ATF6: variants seen among roughly 807,000 people sequenced by gnomAD.
The protein encoded by ATF6 is activating transcription factor 6.
In ATF6, 53 loss-of-function variants were observed where a neutral mutation model predicts 83.6. That is an observed-to-expected ratio of 0.63 (90% CI 0.51 to 0.80). ATF6 has a LOEUF of 0.80. Among genes scored for constraint, ATF6 ranks in the 30% least tolerant of loss-of-function variants. The probability of loss-of-function intolerance (pLI) is 0.00; values close to 1 mark genes in which losing one functional copy is unlikely to be tolerated. For missense variants in ATF6, 744 were observed against 797.9 expected (o/e 0.93, Z 0.81); for synonymous variants, 288 against 285.8 (o/e 1.01, Z -0.08).
chr1:161,852,210 TC>T (rs1188130752), intron 11 of ATF6, among the ~76,000 whole-genome samples: 2 of 152,200 alleles, frequency 1.3e-5, no homozygotes, highest in Non-Finnish European at 2.9e-5. Flanking sequence ...AGTACACACT[TC>T]TTTATCAATT....
Position 161,791,335 on chromosome 1 carries a change from G to A in ATF6, c.355-73G>A, listed in dbSNP as rs906655193. On this transcript the variant is annotated intron_variant, in intron 4 of 15. Transcript: ENST00000367942. Reference sequence around the variant, plus strand: ...TGAAGTGTTTTTCTGTTTATATGTGGGTCTCCTCCTTTTCTATGCAATTTG... The same window carrying A: ...TGAAGTGTTTTTCTGTTTATATGTGAGTCTCCTCCTTTTCTATGCAATTTG... 3.0e-6 allele frequency: 4 copies of A among 1,328,278 alleles called. No individual in the cohort carries two copies. The African/African-American group carries it at 6.0e-5, about 20-fold the overall frequency. The allele number at this position is 1,328,278 out of a possible 1,614,324, so 82.3% of individuals were successfully genotyped here. A position where few individuals can be genotyped will look rare whatever the true frequency, so the allele number is the denominator to read the frequency against.
intron 13 of ATF6, among the ~76,000 whole-genome samples, chr1:161,862,198 G>A (rs979333082): frequency 6.6e-6 from 1 of 152,094 alleles, no homozygotes; most frequent in Non-Finnish European, 1.5e-5. Flanking sequence ...AGCAAGAAGC[G>A]ACTATATATT....
chr1:161,818,890 T>A lies in ATF6; in HGVS notation c.910-743T>A, dbSNP rs544382528. On this transcript the variant is annotated intron_variant, in intron 7 of 15. Coordinates refer to ENST00000367942, the MANE Select transcript of ATF6 (RefSeq NM_007348.4). ...GAGTAGTAAGATAAAAATATTTTCT[T>A]AGGAGAAGTTATCTTAGAAATGGTG... Among the ~76,000 whole-genome samples, 158 of 152,300 alleles carry A rather than the reference T, an allele frequency of 1.0e-3. 1 individual carries two copies. Among genetic ancestry groups the A allele is most frequent in the African/African-American group, 3.7e-3 (155 of 41,562 alleles).
intron 15 of ATF6, among the ~76,000 whole-genome samples, chr1:161,918,172 A>G (rs918483998): frequency 2.6e-5 from 4 of 152,102 alleles, no homozygotes; most frequent in East Asian, 1.9e-4. Context: ...TGATAGGTAT[A>G]TGTTTGTTGA....
intron 2 of ATF6, among the ~76,000 whole-genome samples, chr1:161,779,622 TTCC>T (rs1684590134): frequency 6.6e-6 from 1 of 152,220 alleles, no homozygotes; most frequent in African/African-American, 2.4e-5. Flanking sequence ...AGTCAGAAGT[TTCC>T]TCAAGTAGAT....
At chr1:161,823,827 T>G (rs1685819752) in intron 9 of ATF6, among the ~76,000 whole-genome samples, 1 of 152,224 alleles carries the variant, frequency 6.6e-6, no homozygotes, top group South Asian at 2.1e-4. Flanking sequence ...CCAGAGTTCC[T>G]TGGACTGCTT....
At chr1:161,877,422 A>G (rs1337841629) in intron 14 of ATF6, among the ~76,000 whole-genome samples, 2 of 152,160 alleles carry the variant, frequency 1.3e-5, no homozygotes, top group African/African-American at 2.4e-5. Context: ...GGGGAATTCA[A>G]GGATTCCAGG....
At chr1:161,795,272 G>A (rs1054025152) in intron 6 of ATF6, among the ~76,000 whole-genome samples, 2 of 152,096 alleles carry the variant, frequency 1.3e-5, no homozygotes, top group African/African-American at 4.8e-5. Flanking sequence ...TGCCCTTATG[G>A]AAGCTATTAT....
chr1:161,788,839 A>G (rs1684806573), intron 4 of ATF6, among the ~76,000 whole-genome samples: 1 of 151,980 alleles, frequency 6.6e-6, no homozygotes, highest in South Asian at 2.1e-4. Context: ...TTTCAACAAT[A>G]TTGTATATCT....
intron 9 of ATF6, among the ~76,000 whole-genome samples, chr1:161,842,479 A>G (rs918841603): frequency 3.3e-5 from 5 of 151,292 alleles, no homozygotes; most frequent in Non-Finnish European, 7.4e-5. Flanking sequence ...CCCATCAATC[A>G]ACAAGTGGAT....
intron 7 of ATF6, among the ~76,000 whole-genome samples, chr1:161,807,768 T>G (rs113383616): frequency 6.6e-6 from 1 of 152,032 alleles, no homozygotes; most frequent in African/African-American, 2.4e-5. Context: ...TGTTGTTGTT[T>G]ATTTTTCCTT....
chr1:161,937,004 A>G (rs1036498662), intron 15 of ATF6, among the ~76,000 whole-genome samples: 1 of 152,124 alleles, frequency 6.6e-6, no homozygotes, highest in Non-Finnish European at 1.5e-5. Context: ...CTACTTCACA[A>G]TGCATCCTGA....
Position 161,958,638 on chromosome 1 carries a change from C to G in ATF6, c.1997C>G (p.Pro666Arg), listed in dbSNP as rs767674462. 43 of 1,612,736 alleles carry G rather than the reference C, an allele frequency of 2.7e-5. No homozygotes were observed. The highest frequency in any genetic ancestry group is 3.6e-5 in the Non-Finnish European group (43 of 1,179,324). ...GCAACCCACGTTGTCAGCACCATCC[C>G]TGAGTCATTACAATAGCACCCTGCA... ...TEATHVVSTIPESLQ is the reference protein window; with the variant it reads ...TEATHVVSTIRESLQ Residue 666 changes from proline to arginine, a missense_variant, in exon 16 of 16, where the codon CCT becomes CGT. Pro to Arg is a moderately radical substitution (Grantham distance 103). Coordinates refer to ENST00000367942, the MANE Select transcript of ATF6 (RefSeq NM_007348.4).
chr1:161,920,709 C>T (rs76144404), intron 15 of ATF6, among the ~76,000 whole-genome samples: 3,285 of 151,812 alleles, frequency 0.022, 119 homozygotes, highest in African/African-American at 0.076. Flanking sequence ...GCCGAGATTG[C>T]AGAAATTCTT....
chr1:161,803,306 A>G (rs1685201462), intron 7 of ATF6, among the ~76,000 whole-genome samples: 2 of 152,218 alleles, frequency 1.3e-5, no homozygotes, highest in African/African-American at 2.4e-5. Flanking sequence ...ACAAAGGAAT[A>G]TTGTCTGGTG....
chr1:161,947,867 G>A (rs1004347709), intron 15 of ATF6, among the ~76,000 whole-genome samples: 30 of 114,582 alleles, frequency 2.6e-4, no homozygotes, highest in African/African-American at 1.0e-3. Flanking sequence ...TCTTCTTGCC[G>A]AGGCTGGAGT....
chr1:161,814,920 G>GCA lies in ATF6; in HGVS notation c.910-4713_910-4712insCA, dbSNP rs1685575804. On this transcript the variant is annotated intron_variant, in intron 7 of 15. Transcript: ENST00000367942. ...TTTACTGCAATACATATGCAATAAT[G>GCA]TATGTTATGTAATTTTTATTTAATT... Among the ~76,000 whole-genome samples, 3 of 152,218 alleles carry GCA rather than the reference G, an allele frequency of 2.0e-5. No individual in the cohort carries two copies. In the South Asian group the frequency reaches 6.2e-4, roughly 32 times the overall value.
At chr1:161,867,554 G>A (rs1418105559) in intron 14 of ATF6, among the ~76,000 whole-genome samples, 1 of 152,026 alleles carries the variant, frequency 6.6e-6, no homozygotes, top group African/African-American at 2.4e-5. Flanking sequence ...TAATATATAA[G>A]GAAAGAATTT....
chr1:161,860,282 GAC>G lies in ATF6; in HGVS notation c.1604+7_1604+8del. 3.2e-6 allele frequency: 5 copies of G among 1,559,402 alleles called. No individual in the cohort carries two copies. Among genetic ancestry groups the G allele is most frequent in the Non-Finnish European group, 3.5e-6 (4 of 1,154,648 alleles). On this transcript the variant is annotated splice_donor_region_variant and intron_variant, in intron 13 of 15. Transcript: ENST00000367942. The stretch of plus-strand genomic sequence containing the variant: ...AGAAACCACTAGTAGTATCAGGTAA[GAC>G]AGTGCAGAAGCTCTTGGCCAAGGAA...
Sources: allele counts gnomAD v4.1 joint callset (sites outside exome capture counted in the v4.1 genomes callset), GRCh38; gene constraint gnomAD v4.1.1; transcripts MANE v1.5; gene names NCBI Gene and HGNC (gene_info 2026-07-23, HGNC 2026-07-21).